PPP1R9A: variants seen among roughly 807,000 people sequenced by gnomAD.
The protein encoded by PPP1R9A is protein phosphatase 1 regulatory subunit 9A.
In PPP1R9A, 59 loss-of-function variants were observed where a neutral mutation model predicts 141.9. The observed-to-expected ratio is 0.42, with a 90% CI of 0.34 to 0.52. PPP1R9A has a LOEUF of 0.52. Ranked by LOEUF, PPP1R9A falls within the 20% of genes least tolerant of loss-of-function variation. The probability of loss-of-function intolerance (pLI) is 0.10; values close to 1 mark genes in which losing one functional copy is unlikely to be tolerated. For synonymous variants in PPP1R9A, 500 were observed against 569.7 expected (o/e 0.88, Z 1.74); for missense variants, 1,444 against 1,611.9 (o/e 0.90, Z 1.78).
chr7:95,250,312 C>A, intron 10 of PPP1R9A, 57 bp downstream of exon 10: 1 of 1,434,120 alleles, frequency 7.0e-7, no homozygotes, highest in Non-Finnish European at 9.5e-7. Context: ...AGGTTTATGT[C>A]CAATAATTTT....
At chr7:95,143,019 C>T (rs1826976957) in intron 4 of PPP1R9A, among the ~76,000 whole-genome samples, 1 of 152,112 alleles carries the variant, frequency 6.6e-6, no homozygotes, top group South Asian at 2.1e-4. Context: ...TCCTGTAAGT[C>T]TTCTCAGCTG....
intron 2 of PPP1R9A, among the ~76,000 whole-genome samples, chr7:94,975,208 A>T (rs1192395169): frequency 1.3e-5 from 2 of 152,158 alleles, no homozygotes; most frequent in Non-Finnish European, 2.9e-5. Flanking sequence ...ATTGATATGA[A>T]TCACTGTGAT....
At chr7:95,154,565 T>G (rs1447026134) in intron 4 of PPP1R9A, 1 of 152,144 alleles carries the variant, frequency 6.6e-6, no homozygotes, top group Non-Finnish European at 1.5e-5. Context: ...AAGTTTTCTT[T>G]AGATATTACT....
chr7:95,184,129 T>C (rs891241992), intron 5 of PPP1R9A, among the ~76,000 whole-genome samples: 10 of 152,304 alleles, frequency 6.6e-5, no homozygotes, highest in African/African-American at 2.4e-4. Context: ...CTAGTGAAAG[T>C]GGCTGGAGTT....
chr7:95,134,726 C>T (rs780380148), intron 4 of PPP1R9A, among the ~76,000 whole-genome samples: 22 of 152,334 alleles, frequency 1.4e-4, no homozygotes, highest in African/African-American at 4.6e-4. Flanking sequence ...TGAGCCACCA[C>T]GCCCGGCCTA....
chr7:95,150,476 T>G (rs902693508), intron 4 of PPP1R9A, among the ~76,000 whole-genome samples: 2 of 152,124 alleles, frequency 1.3e-5, no homozygotes, highest in Admixed American at 6.6e-5. Flanking sequence ...CTAATTTTTT[T>G]GTATTTTCAG....
intron 12 of PPP1R9A, among the ~76,000 whole-genome samples, chr7:95,256,747 T>A (rs571155299): frequency 3.3e-5 from 5 of 152,108 alleles, no homozygotes; most frequent in Non-Finnish European, 7.4e-5. Flanking sequence ...GTCTTCTGAT[T>A]ATTAGATGTT....
chr7:95,078,185 G>T (rs2152258492), intron 2 of PPP1R9A, among the ~76,000 whole-genome samples: 1 of 133,700 alleles, frequency 7.5e-6, no homozygotes, highest in Non-Finnish European at 1.5e-5. Flanking sequence ...CTGTGTCCAT[G>T]TGTTCTCACT....
At position 95,269,218 on chromosome 7, in the gene PPP1R9A, T is replaced by C; in HGVS notation, c.2835T>C (p.Ser945=). ...EDSLERKPSN[S]FYNHMHITKL... The stretch of plus-strand genomic sequence containing the variant: ...TCTTATACCAACAGCCATCAAACAG[T>C]TTCTATAACCACATGCATATTACCA... Residue 945 remains serine, a synonymous_variant, in exon 14 of 20, where the codon AGT becomes AGC. Transcript: ENST00000433360. 1 of 1,533,872 alleles carries C rather than the reference T, an allele frequency of 6.5e-7. No homozygotes were observed. Among genetic ancestry groups the C allele is most frequent in the Non-Finnish European group, 8.9e-7 (1 of 1,122,712 alleles).
intron 14 of PPP1R9A, among the ~76,000 whole-genome samples, chr7:95,270,600 A>G (rs574674253): frequency 1.3e-5 from 2 of 152,314 alleles, no homozygotes; most frequent in South Asian, 2.1e-4. Context: ...AACAGGTTAT[A>G]TGCCAGTAGA....
At chr7:94,948,863 A>G (rs1796162926) in intron 2 of PPP1R9A, among the ~76,000 whole-genome samples, 1 of 152,110 alleles carries the variant, frequency 6.6e-6, no homozygotes, top group Non-Finnish European at 1.5e-5. Flanking sequence ...AGAAAGGCTA[A>G]GTACTCCAAT....
rs201868661 is a variant in PPP1R9A at position 95,204,097 on chromosome 7, ATCCAGTAC to A, written c.1956+369_1956+376del. 7.8e-3 allele frequency among the ~76,000 whole-genome samples: 1,181 copies of A among 152,336 alleles called. 14 individuals carry two copies. Among genetic ancestry groups the A allele is most frequent in the African/African-American group, 0.027 (1,121 of 41,574 alleles). On this transcript the variant is annotated intron_variant, in intron 7 of 19. Coordinates refer to ENST00000433360, the MANE Select transcript of PPP1R9A (RefSeq NM_001166160.2). ...ACATAGTGATTTATACTGTCTGTAA[ATCCAGTAC>A]TTTTTTAGAAAATAATCTTTTGATA...
chr7:95,027,391 G>A (rs996138804), intron 2 of PPP1R9A, among the ~76,000 whole-genome samples: 10 of 152,044 alleles, frequency 6.6e-5, no homozygotes, highest in African/African-American at 1.7e-4. Context: ...ACCCTGCTTC[G>A]GCTCGCCCCA....
rs747525161 is a variant in PPP1R9A at position 95,150,559 on chromosome 7, C to T, written c.1650-11308C>T. ...ACCTTGTTATCTGCCCGTCTGAGCC[C>T]CCAAAGTGCTGGGATTACAGGCATG... On this transcript the variant is annotated intron_variant, in intron 4 of 19. Coordinates refer to ENST00000433360, the MANE Select transcript of PPP1R9A (RefSeq NM_001166160.2). Among the ~76,000 whole-genome samples, 14 of 152,228 alleles carry T rather than the reference C, an allele frequency of 9.2e-5. No homozygotes were observed. In the Middle Eastern group the frequency reaches 0.014, roughly 148 times the overall value.
At chr7:94,958,027 T>G (rs979016549) in intron 2 of PPP1R9A, among the ~76,000 whole-genome samples, 1 of 152,064 alleles carries the variant, frequency 6.6e-6, no homozygotes, top group African/African-American at 2.4e-5. Flanking sequence ...TTATTAATCA[T>G]TAATCAGTTT....
At chr7:95,103,524 C>G (rs544425663) in intron 2 of PPP1R9A, among the ~76,000 whole-genome samples, 2 of 151,852 alleles carry the variant, frequency 1.3e-5, no homozygotes, top group Non-Finnish European at 2.9e-5. Context: ...CCTGCCATCA[C>G]GCCCAGCTAA....
intron 2 of PPP1R9A, among the ~76,000 whole-genome samples, chr7:94,982,257 C>T (rs1290004006): frequency 6.6e-6 from 1 of 152,238 alleles, no homozygotes; most frequent in East Asian, 1.9e-4. Context: ...CAAGTCTTTG[C>T]TATTGTGAAT....
chr7:95,224,265 C>G (rs1794839754), intron 7 of PPP1R9A, among the ~76,000 whole-genome samples: 1 of 152,092 alleles, frequency 6.6e-6, no homozygotes, highest in Admixed American at 6.6e-5. Context: ...TCAGTCAAAT[C>G]ACCTGTGATT....
At chr7:95,099,030 G>A (rs531821162) in intron 2 of PPP1R9A, among the ~76,000 whole-genome samples, 1 of 152,158 alleles carries the variant, frequency 6.6e-6, no homozygotes, top group Non-Finnish European at 1.5e-5. Flanking sequence ...CATACACCTT[G>A]TATTGGTCCT....
Sources: gnomAD v4.1 joint callset for allele counts (sites outside exome capture counted in the v4.1 genomes callset) on GRCh38, gnomAD v4.1.1 for gene constraint, MANE v1.5 for transcripts, NCBI Gene and HGNC (gene_info 2026-07-23, HGNC 2026-07-21) for gene names.